Variants in UBE2R2 observed in about 807,000 individuals in gnomAD.
UBE2R2 encodes ubiquitin-conjugating enzyme E2 R2.
In UBE2R2, 1 loss-of-function variant was observed where a neutral mutation model predicts 27.8. That is an observed-to-expected ratio of 0.04 (90% CI 0.01 to 0.17). The LOEUF is 0.17. UBE2R2 is among the 10% of genes least tolerant of loss of function. The pLI is 1.00. For missense variants in UBE2R2, 100 were observed against 291.0 expected, an observed-to-expected ratio of 0.34 and a Z score of 4.78; for synonymous variants, 106 against 113.3, an observed-to-expected ratio of 0.94 and a Z score of 0.41.
At chr9:33,871,756 G>T (rs1428763549) in intron 1 of UBE2R2, among the ~76,000 whole-genome samples, 1 of 152,178 alleles carries the variant, frequency 6.6e-6, no homozygotes, top group African/African-American at 2.4e-5. Context: ...TGTCGCCCAG[G>T]CTGGAGTACA....
chr9:33,898,509 T>C (rs1027269882), intron 2 of UBE2R2, among the ~76,000 whole-genome samples: 1 of 152,186 alleles, frequency 6.6e-6, no homozygotes, highest in African/African-American at 2.4e-5. Context: ...TGGTTACATA[T>C]ATATTCATAT....
At chr9:33,916,414 T>C (rs754217722) in intron 4 of UBE2R2, among the ~76,000 whole-genome samples, 3 of 152,042 alleles carry the variant, frequency 2.0e-5, no homozygotes, top group Non-Finnish European at 2.9e-5. Context: ...CAGTGAAAAT[T>C]AAGAGGATAA....
chr9:33,881,569 A>G (rs1821732911), intron 1 of UBE2R2, among the ~76,000 whole-genome samples: 1 of 152,118 alleles, frequency 6.6e-6, no homozygotes, highest in Admixed American at 6.6e-5. Flanking sequence ...GTCTTTGATG[A>G]TTTCTCCGTC....
At chr9:33,905,206 A>G (rs1822326801) in intron 3 of UBE2R2, among the ~76,000 whole-genome samples, 1 of 152,166 alleles carries the variant, frequency 6.6e-6, no homozygotes, top group Non-Finnish European at 1.5e-5. Context: ...AAAGCGTGAA[A>G]CCAAATTTAT....
chr9:33,909,027 T>TAA, intron 3 of UBE2R2, among the ~76,000 whole-genome samples: 1 of 151,882 alleles, frequency 6.6e-6, no homozygotes, highest in Admixed American at 6.6e-5. Flanking sequence ...AATAAATAAA[T>TAA]ATTAAAATTC....
chr9:33,907,555 G>T (rs1021297047), intron 3 of UBE2R2, among the ~76,000 whole-genome samples: 3 of 152,076 alleles, frequency 2.0e-5, no homozygotes, highest in Admixed American at 6.6e-5. Flanking sequence ...CTGCTGGATT[G>T]AGATAGATCA....
chr9:33,831,817 G>A (rs545488382), intron 1 of UBE2R2, among the ~76,000 whole-genome samples: 84 of 151,702 alleles, frequency 5.5e-4, no homozygotes, highest in African/African-American at 1.9e-3. Context: ...CTGCCAACAC[G>A]CCCGGTTAAT....
At chr9:33,860,958 G>T (rs1317643253) in intron 1 of UBE2R2, among the ~76,000 whole-genome samples, 2 of 90,846 alleles carry the variant, frequency 2.2e-5, no homozygotes, top group African/African-American at 4.2e-5. Flanking sequence ...TTGTTTGTTT[G>T]TTTTTTGTTT....
intron 3 of UBE2R2, among the ~76,000 whole-genome samples, chr9:33,906,004 CGT>C (rs939577643): frequency 3.9e-5 from 6 of 152,124 alleles, no homozygotes; most frequent in Non-Finnish European, 8.8e-5. Context: ...AATCAATCTG[CGT>C]GTGTGTTTGT....
At chr9:33,859,046 G>A (rs1821167007) in intron 1 of UBE2R2, among the ~76,000 whole-genome samples, 1 of 151,966 alleles carries the variant, frequency 6.6e-6, no homozygotes. Flanking sequence ...GGCTGGTCTT[G>A]AACTCCTGAC....
chr9:33,859,415 T>TAA (rs1391410406), intron 1 of UBE2R2, among the ~76,000 whole-genome samples: 5 of 152,210 alleles, frequency 3.3e-5, no homozygotes, highest in African/African-American at 1.2e-4. Context: ...ACCTGCCTGA[T>TAA]AGTTTTAGAT....
At chr9:33,830,564 C>G (rs1439603071) in intron 1 of UBE2R2, among the ~76,000 whole-genome samples, 1 of 150,886 alleles carries the variant, frequency 6.6e-6, no homozygotes, top group Non-Finnish European at 1.5e-5. Flanking sequence ...GTCAGGAGTT[C>G]GAGACCAGCC....
Position 33,917,141 on chromosome 9 carries a change from C to T in UBE2R2, c.621C>T (p.Tyr207=), listed in dbSNP as rs750567309. Residue 207 remains tyrosine, a synonymous_variant, in exon 5 of 5, where the codon TAC becomes TAT. Transcript: ENST00000263228. ...ATGACAACAGCTCAGATTTGCTTTA[C>T]GACGACTTGTATGATGACGACATTG... is the stretch of plus-strand genomic sequence containing the variant. ...PSNDNSSDLL[Y]DDLYDDDIDD... is the part of the protein sequence containing the mutation. 1.7e-5 allele frequency: 27 copies of T among 1,614,044 alleles called. No individual in the cohort carries two copies. In the South Asian group the frequency reaches 2.2e-4, roughly 13 times the overall value.
Position 33,834,638 on chromosome 9 carries a change from C to A in UBE2R2, c.177+16704C>A, listed in dbSNP as rs536407961. ...AAAATTAGAAAATATAGACCTCGCA[C>A]GGTGGCTCACACCTGTAATCCCAGC... On this transcript the variant is annotated intron_variant, in intron 1 of 4. Transcript: ENST00000263228. Among the ~76,000 whole-genome samples the A allele has an allele frequency of 4.1e-4, 62 of 151,998 alleles. 1 individual carries two copies. Among genetic ancestry groups the A allele is most frequent in the African/African-American group, 1.4e-3 (60 of 41,470 alleles).
intron 1 of UBE2R2, among the ~76,000 whole-genome samples, chr9:33,844,072 A>T (rs1283704426): frequency 6.6e-6 from 1 of 152,252 alleles, no homozygotes; most frequent in Non-Finnish European, 1.5e-5. Context: ...CAGTTAAAAC[A>T]TCACTGCCAT....
intron 1 of UBE2R2, among the ~76,000 whole-genome samples, chr9:33,849,032 G>A (rs952559041): frequency 6.6e-6 from 1 of 151,424 alleles, no homozygotes. Context: ...CAAGGAGGGC[G>A]GATCACCTGA....
intron 1 of UBE2R2, among the ~76,000 whole-genome samples, chr9:33,843,772 G>A (rs1348087987): frequency 1.3e-5 from 2 of 152,210 alleles, no homozygotes; most frequent in African/African-American, 4.8e-5. Context: ...ACTGCGCCCA[G>A]CCTACTTCTT....
At chr9:33,906,322 G>T (rs535134906) in intron 3 of UBE2R2, among the ~76,000 whole-genome samples, 22 of 152,164 alleles carry the variant, frequency 1.4e-4, no homozygotes, top group East Asian at 1.2e-3. Context: ...GGATTTTTCC[G>T]TGTTAGTCGG....
At chr9:33,833,476 GA>G (rs1344252855) in intron 1 of UBE2R2, among the ~76,000 whole-genome samples, 10 of 152,216 alleles carry the variant, frequency 6.6e-5, no homozygotes, top group Non-Finnish European at 1.5e-5. Context: ...TTACAGACAT[GA>G]ACCACTGTGC....
Sources: gnomAD v4.1 joint callset for allele counts (sites outside exome capture counted in the v4.1 genomes callset) on GRCh38, gnomAD v4.1.1 for gene constraint, MANE v1.5 for transcripts, NCBI Gene and HGNC (gene_info 2026-07-23, HGNC 2026-07-21) for gene names.